Variants in ITM2C observed in about 807,000 individuals in gnomAD.
ITM2C encodes the protein integral membrane protein 2C.
ITM2C carries 20 observed loss-of-function variants against 30.0 expected under a neutral mutation model. The observed-to-expected ratio is 0.67, with a 90% confidence interval of 0.47 to 0.97. The LOEUF is 0.97. Among genes scored for constraint, ITM2C ranks in the 50% least tolerant of loss-of-function variants. The probability of loss-of-function intolerance (pLI) is 0.00; values close to 1 mark genes in which losing one functional copy is unlikely to be tolerated. For missense variants in ITM2C, 366 were observed against 371.9 expected, an observed-to-expected ratio of 0.98 and a Z score of 0.13; for synonymous variants, 167 against 156.4, an observed-to-expected ratio of 1.07 and a Z score of -0.51.
At chr2:230,864,877 A>C, upstream of ITM2C, 2 of 994,770 alleles carry the variant, frequency 2.0e-6, no homozygotes, top group Non-Finnish European at 2.6e-6. The surrounding 1 kb of genome is among the most constrained non-coding windows in gnomAD (Gnocchi z 4.3). Flanking sequence ...TCCCGCGGGG[A>C]CGGGGCGGGG....
Position 230,877,629 on chromosome 2 carries a change from C to A in ITM2C, c.712+79C>A. 6.8e-7 allele frequency: 1 copy of A among 1,473,386 alleles called. No homozygotes were observed. Among genetic ancestry groups the A allele is most frequent in the South Asian group, 1.2e-5 (1 of 83,704 alleles). The allele number at this position is 1,473,386 out of a possible 1,614,324, so 91.3% of individuals were successfully genotyped here. A position where few individuals can be genotyped will look rare whatever the true frequency, so the allele number is the denominator to read the frequency against. ...TTATCTTCACGCCTAGCCCAGCTGT[C>A]AGAGAGCTCAGATAGCAGCAGCAAT... On this transcript the variant is annotated intron_variant, in intron 5 of 5. Transcript: ENST00000326427. The surrounding 1 kb of genome is among the most constrained non-coding windows in gnomAD (Gnocchi z 4.8).
At chr2:230,872,000 C>G (rs781611135) in intron 1 of ITM2C, among the ~76,000 whole-genome samples, 4 of 152,236 alleles carry the variant, frequency 2.6e-5, no homozygotes, top group Non-Finnish European at 4.4e-5. Flanking sequence ...TGAACCACCC[C>G]CCTCCAGGGG....
chr2:230,873,683 C>T, intron 2 of ITM2C, 126 bp downstream of exon 2: 1 of 923,776 alleles, frequency 1.1e-6, no homozygotes, highest in South Asian at 2.1e-5. Flanking sequence ...GAGCGAGTGC[C>T]CGGCCAGCCC....
Position 230,865,974 on chromosome 2 carries a change from C to T in ITM2C, c.120+829C>T, listed in dbSNP as rs1376513894. ...GTGCGCGTTCCCCCACCCCTGTCAT[C>T]CCCCTCCCCTACCCCGGCTTCCTCC... is the stretch of plus-strand genomic sequence containing the variant. On this transcript the variant is annotated intron_variant, in intron 1 of 5. Transcript: ENST00000326427. The surrounding 1 kb of genome is among the most constrained non-coding windows in gnomAD (Gnocchi z 6.8). Among the ~76,000 whole-genome samples, 1 of 152,218 alleles carries T rather than the reference C, an allele frequency of 6.6e-6. No homozygotes were observed. Among genetic ancestry groups the T allele is most frequent in the Non-Finnish European group, 1.5e-5 (1 of 68,038 alleles).
Position 230,878,672 on chromosome 2 carries a change from G to C in ITM2C, c.*573G>C, listed in dbSNP as rs976492562. On this transcript the variant is annotated 3_prime_UTR_variant, in exon 6 of 6. Coordinates refer to ENST00000326427, the MANE Select transcript of ITM2C (RefSeq NM_030926.6). The surrounding 1 kb of genome is among the most constrained non-coding windows in gnomAD (Gnocchi z 4.5). Reference sequence around the variant, plus strand: ...GGGGTGTCCCAGGGACTCTGTCAGTGCCTTCAGCCCACCAGCAGGAGCTTG... The same window carrying C: ...GGGGTGTCCCAGGGACTCTGTCAGTCCCTTCAGCCCACCAGCAGGAGCTTG... The C allele has an allele frequency of 6.5e-6, 1 of 153,016 alleles. No homozygotes were observed. The highest frequency in any genetic ancestry group is 2.4e-5 in the African/African-American group (1 of 41,454). The allele number at this position is 153,016 out of a possible 1,614,324, so 9.5% of individuals were successfully genotyped here.
chr2:230,866,028 G>A (rs1013893080), intron 1 of ITM2C, among the ~76,000 whole-genome samples: 1 of 147,840 alleles, frequency 6.8e-6, no homozygotes, highest in Non-Finnish European at 1.5e-5. Context: ...GGGGAGAGAA[G>A]GCATTTCCGC....
rs978048670 is a variant in ITM2C at position 230,875,733 on chromosome 2, C to T, written c.375C>T (p.Asn125=). 3 of 1,613,336 alleles carry T rather than the reference C, an allele frequency of 1.9e-6. No individual in the cohort carries two copies. Among genetic ancestry groups the T allele is most frequent in the Non-Finnish European group, 2.5e-6 (3 of 1,179,938 alleles). Residue 125 remains asparagine, a synonymous_variant, in exon 3 of 6, where the codon AAC becomes AAT. Transcript: ENST00000326427. ...EEDVKIYLDE[N]YERINVPVPQ... is the part of the protein sequence containing the mutation. The stretch of plus-strand genomic sequence containing the variant: ...ATGTGAAAATCTACCTCGACGAGAA[C>T]TACGAGCGCATCAACGTGCCTGTGC...
Position 230,877,633 on chromosome 2 carries a change from GAGCTCAGAT to G in ITM2C, c.712+87_712+95del, listed in dbSNP as rs1315673534. ...CTTCACGCCTAGCCCAGCTGTCAGA[GAGCTCAGAT>G]AGCAGCAGCAATAACAGCTAGCATT... On this transcript the variant is annotated intron_variant, in intron 5 of 5. Coordinates refer to ENST00000326427, the MANE Select transcript of ITM2C (RefSeq NM_030926.6). The surrounding 1 kb of genome is among the most constrained non-coding windows in gnomAD (Gnocchi z 4.8). The G allele has an allele frequency of 4.7e-5, 68 of 1,460,940 alleles. No homozygotes were observed. The highest frequency in any genetic ancestry group is 5.5e-5 in the Non-Finnish European group (58 of 1,056,966). The allele number at this position is 1,460,940 out of a possible 1,614,324, so 90.5% of individuals were successfully genotyped here.
At chr2:230,875,502 C>G (rs1037641438) in intron 2 of ITM2C, 118 bp from the exon 3 acceptor site, 1 of 865,950 alleles carries the variant, frequency 1.2e-6, no homozygotes, top group African/African-American at 1.7e-5. Context: ...AGTCCCTGCT[C>G]TTCTTGCTTC....
In ITM2C at chr2:230,878,111, C is replaced by G. The variant is rs373905541; in HGVS notation, c.*12C>G. On this transcript the variant is annotated 3_prime_UTR_variant, in exon 6 of 6. Coordinates refer to ENST00000326427, the MANE Select transcript of ITM2C (RefSeq NM_030926.6). This position sits in a 1 kb window ranked among gnomAD's most constrained non-coding sequence, Gnocchi z 4.5. ...GCGGGGTGGTGTGAGGCCCTCCTCC[C>G]CCAGAACCCCCTGCCGTGTTCCTCT... is the stretch of plus-strand genomic sequence containing the variant. 539 of 1,552,130 alleles carry G rather than the reference C, an allele frequency of 3.5e-4. 1 individual carries two copies. The African/African-American group carries it at 6.5e-3, about 19-fold the overall frequency.
chr2:230,873,304 T>C, intron 1 of ITM2C, 113 bp from the exon 2 acceptor site: 1 of 1,099,750 alleles, frequency 9.1e-7, no homozygotes, highest in Non-Finnish European at 1.2e-6. Context: ...CTTCCCTCCC[T>C]TTCCCCCAAG....
At position 230,877,581 on chromosome 2, in the gene ITM2C, C is replaced by T. The variant is rs2125026657; in HGVS notation, c.712+31C>T. Reference sequence around the variant, plus strand: ...TGGCTGGCTTCACCCACAGTAGCCCCTGTCCCGTGCCCCAGACCACAGTTA... The same window carrying T: ...TGGCTGGCTTCACCCACAGTAGCCCTTGTCCCGTGCCCCAGACCACAGTTA... On this transcript the variant is annotated intron_variant, in intron 5 of 5. Transcript: ENST00000326427. This position sits in a 1 kb window ranked among gnomAD's most constrained non-coding sequence, Gnocchi z 4.8. 1 of 1,610,712 alleles carries T rather than the reference C, an allele frequency of 6.2e-7. No homozygotes were observed. The highest frequency in any genetic ancestry group is 1.7e-5 in the Admixed American group (1 of 59,892).
At chr2:230,869,683 G>A (rs970564603) in intron 1 of ITM2C, among the ~76,000 whole-genome samples, 8 of 152,204 alleles carry the variant, frequency 5.3e-5, no homozygotes, top group Non-Finnish European at 1.0e-4. Context: ...GTTACTGGGG[G>A]ATGGGGCCCG....
At chr2:230,875,160 AC>A (rs1697260147) in intron 2 of ITM2C, among the ~76,000 whole-genome samples, 1 of 151,952 alleles carries the variant, frequency 6.6e-6, no homozygotes, top group African/African-American at 2.4e-5. Context: ...CCCCCTGCCA[AC>A]CCCAGGCTCT....
At position 230,877,316 on chromosome 2, in the gene ITM2C, A is replaced by G; in HGVS notation, c.562-84A>G. Reference sequence around the variant, plus strand: ...GGGCCAGCCCAGGGGCCTCTGGAGGAGGGAGGTGGGCTGGCATTTCGGGCG... The same window carrying G: ...GGGCCAGCCCAGGGGCCTCTGGAGGGGGGAGGTGGGCTGGCATTTCGGGCG... On this transcript the variant is annotated intron_variant, in intron 4 of 5. Coordinates refer to ENST00000326427, the MANE Select transcript of ITM2C (RefSeq NM_030926.6). The surrounding 1 kb of genome is among the most constrained non-coding windows in gnomAD (Gnocchi z 4.8). 1 of 1,415,910 alleles carries G rather than the reference A, an allele frequency of 7.1e-7. No individual in the cohort carries two copies. Among genetic ancestry groups the G allele is most frequent in the Non-Finnish European group, 9.8e-7 (1 of 1,017,754 alleles). The allele number at this position is 1,415,910 out of a possible 1,614,324, so 87.7% of individuals were successfully genotyped here.
At chr2:230,868,036 C>T (rs1011390366) in intron 1 of ITM2C, among the ~76,000 whole-genome samples, 2 of 151,258 alleles carry the variant, frequency 1.3e-5, no homozygotes, top group African/African-American at 4.9e-5. Context: ...GATGATTGTG[C>T]GTTGGGGCAG....
In ITM2C at chr2:230,877,568, C is replaced by T. The variant is rs200207900; in HGVS notation, c.712+18C>T. 3.7e-6 allele frequency: 6 copies of T among 1,612,286 alleles called. No homozygotes were observed. The highest frequency in any genetic ancestry group is 4.5e-5 in the East Asian group (2 of 44,882). On this transcript the variant is annotated intron_variant, in intron 5 of 5. Coordinates refer to ENST00000326427, the MANE Select transcript of ITM2C (RefSeq NM_030926.6). This position sits in a 1 kb window ranked among gnomAD's most constrained non-coding sequence, Gnocchi z 4.8. ...GCGGAGGCGTGAGTGGCTGGCTTCACCCACAGTAGCCCCTGTCCCGTGCCC... is the reference window on the plus strand; with the variant it reads ...GCGGAGGCGTGAGTGGCTGGCTTCATCCACAGTAGCCCCTGTCCCGTGCCC...
chr2:230,873,107 A>G, intron 1 of ITM2C: 1 of 298,402 alleles, frequency 3.4e-6, no homozygotes, highest in Non-Finnish European at 6.1e-6. Context: ...GAGGCCTAAG[A>G]GCTCAGATAA....
chr2:230,876,584 C>T (rs1235050655), intron 3 of ITM2C, among the ~76,000 whole-genome samples: 2 of 152,140 alleles, frequency 1.3e-5, no homozygotes, highest in Non-Finnish European at 2.9e-5. Context: ...TGGGTTCACA[C>T]CATTCTCCCG....
Sources: allele counts gnomAD v4.1 joint callset (sites outside exome capture counted in the v4.1 genomes callset), GRCh38; gene constraint gnomAD v4.1.1; non-coding constraint Gnocchi (gnomAD v3.1); transcripts MANE v1.5; gene names NCBI Gene and HGNC (gene_info 2026-07-23, HGNC 2026-07-21).